PRKAR1B: variants seen among roughly 807,000 people sequenced by gnomAD.
PRKAR1B encodes cAMP-dependent protein kinase type I-beta regulatory subunit.
A neutral mutation model predicts 46.5 loss-of-function variants in PRKAR1B; 22 were observed. The observed-to-expected ratio is 0.47, with a 90% CI of 0.34 to 0.68. PRKAR1B has a LOEUF of 0.68. Among genes scored for constraint, PRKAR1B ranks in the 30% least tolerant of loss-of-function variants. The pLI, the probability that PRKAR1B is intolerant of heterozygous loss-of-function variation, is 0.01. For synonymous variants in PRKAR1B, 259 were observed against 217.7 expected (o/e 1.19, Z -1.67); for missense variants, 445 against 535.6 (o/e 0.83, Z 1.67).
intron 2 of PRKAR1B, among the ~76,000 whole-genome samples, chr7:710,840 C>T (rs997395064): frequency 7.9e-5 from 12 of 151,962 alleles, no homozygotes; most frequent in Non-Finnish European, 1.5e-4. Context: ...GAGGGGGTTT[C>T]GCCATGTTGG....
At chr7:612,395 T>TGGAC (rs1334372071) in intron 4 of PRKAR1B, among the ~76,000 whole-genome samples, 17 of 147,068 alleles carry the variant, frequency 1.2e-4, no homozygotes, top group Admixed American at 3.4e-4. Flanking sequence ...GGTGGATGGA[T>TGGAC]AGATGGATGG....
rs1012946280 is a variant in PRKAR1B, at chr7:726,571, G to A, written c.-23+639C>T. On this transcript the variant is annotated intron_variant, in intron 1 of 10. Transcript: ENST00000537384. Reference sequence around the variant, plus strand: ...CCGGCGACAGAGGGGGACAGCGGGCGAGCACGACAAGAGCACAGGCCCACG... The same window carrying A: ...CCGGCGACAGAGGGGGACAGCGGGCAAGCACGACAAGAGCACAGGCCCACG... 10 of 524,234 alleles carry A rather than the reference G, an allele frequency of 1.9e-5. No individual in the cohort carries two copies. The African/African-American group carries it at 2.0e-4, about 10-fold the overall frequency. 32.5% of individuals were successfully genotyped at this position (524,234 alleles called of 1,614,324 possible).
At chr7:680,177 A>AG (rs1272104976) in intron 3 of PRKAR1B, among the ~76,000 whole-genome samples, 21 of 148,022 alleles carry the variant, frequency 1.4e-4, no homozygotes, top group African/African-American at 4.5e-4. Flanking sequence ...AAAAAAAAAA[A>AG]AGAGAGAGAC....
Position 617,206 on chromosome 7 carries a change from G to A in PRKAR1B, c.441-9754C>T, listed in dbSNP as rs866117955. On this transcript the variant is annotated intron_variant, in intron 4 of 10. Transcript: ENST00000537384. ...ACAGGGGTTTCACCATGTTGGCCAG[G>A]CTGGTCTCGAACTCCTGACCTCATG... Among the ~76,000 whole-genome samples the A allele has an allele frequency of 1.1e-4, 17 of 151,950 alleles. No individual in the cohort carries two copies. The Middle Eastern group carries it at 0.01, about 91-fold the overall frequency.
intron 4 of PRKAR1B, among the ~76,000 whole-genome samples, chr7:647,284 G>C (rs1784664352): frequency 6.6e-6 from 1 of 151,966 alleles, no homozygotes; most frequent in Non-Finnish European, 1.5e-5. Context: ...CTAACCAAGG[G>C]CCATCACCCA....
At chr7:628,721 C>A (rs560629221) in intron 4 of PRKAR1B, among the ~76,000 whole-genome samples, 1 of 152,338 alleles carries the variant, frequency 6.6e-6, no homozygotes, top group African/African-American at 2.4e-5. Context: ...CCCCGCCTAC[C>A]CCGGGTAGAG....
At chr7:616,008 A>AG (rs1554293511) in intron 4 of PRKAR1B, among the ~76,000 whole-genome samples, 7 of 149,294 alleles carry the variant, frequency 4.7e-5, no homozygotes, top group South Asian at 2.1e-4. Context: ...AAAAGGAAGA[A>AG]AGAGAGAGAG....
At chr7:665,341 C>G (rs567988686) in intron 4 of PRKAR1B, among the ~76,000 whole-genome samples, 1 of 152,178 alleles carries the variant, frequency 6.6e-6, no homozygotes, top group Admixed American at 6.5e-5. Flanking sequence ...GGTGGCCCGA[C>G]GCAGCCTGCT....
intron 4 of PRKAR1B, among the ~76,000 whole-genome samples, chr7:612,019 GTGGA>G (rs1174153501): frequency 1.3e-5 from 2 of 151,394 alleles, no homozygotes; most frequent in East Asian, 1.9e-4. Context: ...GGACAGGTGG[GTGGA>G]TGAATAGGTG....
At chr7:571,813 C>T (rs542468110) in intron 9 of PRKAR1B, among the ~76,000 whole-genome samples, 8 of 152,186 alleles carry the variant, frequency 5.3e-5, no homozygotes, top group Non-Finnish European at 7.4e-5. Context: ...CAGCCCCGGC[C>T]GAATGCCGCT....
intron 2 of PRKAR1B, among the ~76,000 whole-genome samples, chr7:695,964 CTTTT>C (rs766921714): frequency 2.0e-5 from 2 of 102,144 alleles, no homozygotes; most frequent in African/African-American, 4.0e-5. Context: ...GCGCCCAACC[CTTTT>C]TTTTTTTTTT....
intron 9 of PRKAR1B, among the ~76,000 whole-genome samples, chr7:570,175 C>T (rs767719864): frequency 5.3e-5 from 8 of 152,170 alleles, no homozygotes; most frequent in East Asian, 3.9e-4. Flanking sequence ...GGAGGGAGGA[C>T]GCGCGGCCGG....
At chr7:643,143 G>C (rs1387870066) in intron 4 of PRKAR1B, among the ~76,000 whole-genome samples, 1 of 151,642 alleles carries the variant, frequency 6.6e-6, no homozygotes, top group Non-Finnish European at 1.5e-5. Flanking sequence ...CATTGCAAAA[G>C]AGAAAGACAA....
chr7:667,905 C>T lies in PRKAR1B; in HGVS notation c.440+9324G>A, dbSNP rs1786021839. On this transcript the variant is annotated intron_variant, in intron 4 of 10. Transcript: ENST00000537384. The surrounding 1 kb of genome is among the most constrained non-coding windows in gnomAD (Gnocchi z 4.3). ...GGCAGGCGGTCTGGGGGAGTTGCAG[C>T]CTCCCTCACAACCACGTTGCACTAT... Among the ~76,000 whole-genome samples the T allele has an allele frequency of 6.6e-6, 1 of 152,198 alleles. No individual in the cohort carries two copies. The highest frequency in any genetic ancestry group is 1.5e-5 in the Non-Finnish European group (1 of 68,040).
At chr7:623,602 A>G (rs770663522) in intron 4 of PRKAR1B, among the ~76,000 whole-genome samples, 2 of 151,780 alleles carry the variant, frequency 1.3e-5, no homozygotes, top group Non-Finnish European at 2.9e-5. Flanking sequence ...TGAAGCCAGA[A>G]CCCCCCAGCC....
intron 6 of PRKAR1B, among the ~76,000 whole-genome samples, chr7:597,832 A>G (rs942298747): frequency 1.3e-5 from 2 of 152,152 alleles, no homozygotes; most frequent in African/African-American, 4.8e-5. Flanking sequence ...CGCAGTGGAC[A>G]CTCCCACTTT....
chr7:726,402 T>C (rs1214113980), intron 1 of PRKAR1B, among the ~76,000 whole-genome samples: 3 of 152,064 alleles, frequency 2.0e-5, no homozygotes, highest in Non-Finnish European at 2.9e-5. Flanking sequence ...CCAAGCCCCC[T>C]AGGCTGCAGG....
chr7:686,795 G>A (rs1206527479), intron 2 of PRKAR1B, among the ~76,000 whole-genome samples: 1 of 152,130 alleles, frequency 6.6e-6, no homozygotes, highest in Non-Finnish European at 1.5e-5. Flanking sequence ...GAACACAGCA[G>A]TTGGAACCAC....
intron 4 of PRKAR1B, among the ~76,000 whole-genome samples, chr7:654,808 C>G (rs1177567452): frequency 6.6e-6 from 1 of 152,168 alleles, no homozygotes; most frequent in Non-Finnish European, 1.5e-5. Context: ...CCATTTTTAT[C>G]ACCATTACCA....
Sources: gnomAD v4.1 joint callset for allele counts (sites outside exome capture counted in the v4.1 genomes callset) on GRCh38, gnomAD v4.1.1 for gene constraint, Gnocchi (gnomAD v3.1) non-coding constraint, MANE v1.5 for transcripts, NCBI Gene and HGNC (gene_info 2026-07-23, HGNC 2026-07-21) for gene names.